The following AP3B2 variants were observed in gnomAD, a reference collection of about 807,000 sequenced individuals.
AP3B2 encodes adaptor related protein complex 3 subunit beta 2, also known as AP-3 complex subunit beta-2.
AP3B2 carries 50 observed loss-of-function variants against 126.9 expected under a neutral mutation model. The ratio of observed to expected loss-of-function variants is 0.39; its 90% CI spans 0.31 to 0.50. The LOEUF is 0.50. Among genes scored for constraint, AP3B2 ranks in the 20% least tolerant of loss-of-function variants. AP3B2 has a pLI of 0.79. For missense variants in AP3B2, 1,177 were observed against 1,426.4 expected (o/e 0.83, Z 2.82); for synonymous variants, 541 against 565.0 (o/e 0.96, Z 0.60).
chr15:82,674,421 G>A (rs2048209773), intron 14 of AP3B2, among the ~76,000 whole-genome samples: 1 of 152,216 alleles, frequency 6.6e-6, no homozygotes, highest in South Asian at 2.1e-4. Flanking sequence ...ACTTGCAGGT[G>A]AAGGGCGCCC....
rs1226910164 is a variant in AP3B2, at chr15:82,700,397, CTTTTT to C, written c.113+9192_113+9196del. On this transcript the variant is annotated intron_variant, in intron 1 of 26. Transcript: ENST00000535359. Reference sequence around the variant, plus strand: ...CCACTGGCCTGCCAGTGGTGGGTGGCTTTTTTTTTTTTTTTTTTCAGATGGAGTTT... The same window carrying C: ...CCACTGGCCTGCCAGTGGTGGGTGGCTTTTTTTTTTTTTCAGATGGAGTTT... Among the ~76,000 whole-genome samples the C allele has an allele frequency of 5.7e-5, 2 of 35,086 alleles. 1 individual carries two copies. Among genetic ancestry groups the C allele is most frequent in the African/African-American group, 2.0e-4 (2 of 9,932 alleles). The allele number at this position is 35,086 out of a possible 152,430, so 23.0% of individuals were successfully genotyped here. A position where few individuals can be genotyped will look rare whatever the true frequency, so the allele number is the denominator to read the frequency against.
intron 1 of AP3B2, among the ~76,000 whole-genome samples, chr15:82,701,104 G>T (rs937169641): frequency 1.3e-5 from 2 of 151,960 alleles, no homozygotes; most frequent in Non-Finnish European, 2.9e-5. Flanking sequence ...CAAGTGACCT[G>T]CCCGCCTCAG....
At chr15:82,691,976 C>G in intron 1 of AP3B2, 2 of 1,441,832 alleles carry the variant, frequency 1.4e-6, no homozygotes, top group South Asian at 2.4e-5. Flanking sequence ...ATCGGCATAA[C>G]AGACATCCCC....
rs113606903 is a variant in AP3B2, at chr15:82,661,365, C to T, written c.3016+460G>A. 1.5e-3 allele frequency among the ~76,000 whole-genome samples: 231 copies of T among 152,316 alleles called. 2 individuals are homozygous for T. The highest frequency in any genetic ancestry group is 1.8e-3 in the Admixed American group (27 of 15,296). ...AACCATGATCTTCCCTCCTCCCTTGCCCAAGCCACTCTTCTTTCTTCTAGG... is the reference window on the plus strand; with the variant it reads ...AACCATGATCTTCCCTCCTCCCTTGTCCAAGCCACTCTTCTTTCTTCTAGG... On this transcript the variant is annotated intron_variant, in intron 25 of 26. Coordinates refer to ENST00000535359, the MANE Select transcript of AP3B2 (RefSeq NM_001278512.2).
In AP3B2 at chr15:82,665,450, C is replaced by T. The variant is rs768933338; in HGVS notation, c.1971+7G>A. 1.2e-5 allele frequency: 19 copies of T among 1,606,500 alleles called. No individual in the cohort carries two copies. Among genetic ancestry groups the T allele is most frequent in the South Asian group, 2.2e-5 (2 of 90,766 alleles). On this transcript the variant is annotated splice_region_variant and intron_variant, in intron 16 of 26. Coordinates refer to ENST00000535359, the MANE Select transcript of AP3B2 (RefSeq NM_001278512.2). This position sits in a 1 kb window ranked among gnomAD's most constrained non-coding sequence, Gnocchi z 4.4. ...ACACACACACTTCAACCCTCCACCC[C>T]GCTGACCTCCACGTTGCGCACAGAT...
At chr15:82,709,506 T>TG (rs1307653290) in intron 1 of AP3B2, 88 bp downstream of exon 1, 4 of 937,024 alleles carry the variant, frequency 4.3e-6, no homozygotes, top group Middle Eastern at 4.3e-4. Flanking sequence ...GGGCCGGCGC[T>TG]GGGGCCGGGC....
intron 14 of AP3B2, among the ~76,000 whole-genome samples, chr15:82,672,229 A>G (rs2048170820): frequency 1.3e-5 from 2 of 152,242 alleles, no homozygotes; most frequent in Non-Finnish European, 2.9e-5. Flanking sequence ...AGACAAATAG[A>G]TAAAGAAAAT....
chr15:82,691,972 A>G (rs1424799984), intron 1 of AP3B2: 5 of 1,438,078 alleles, frequency 3.5e-6, no homozygotes, highest in Non-Finnish European at 4.9e-6. Flanking sequence ...GCACATCGGC[A>G]TAACAGACAT....
At position 82,663,971 on chromosome 15, in the gene AP3B2, G is replaced by C. The variant is rs762331009; in HGVS notation, c.2266C>G (p.Gln756Glu). ...TTCCTCTTACCATCCTCCTCACTCT[G>C]TTCACTGAAGGAGTGGGAAAGGTTG... ...EEKGRGSESEQSEEDGKRKTK... is the reference protein window; with the variant it reads ...EEKGRGSESEESEEDGKRKTK... Residue 756 changes from glutamine to glutamate, a missense_variant, in exon 20 of 27, where the codon CAG becomes GAG. This residue lies in a region of AP3B2 where 587 missense variants were observed against 571.3 expected (regional missense o/e 1.03). Coordinates refer to ENST00000535359, the MANE Select transcript of AP3B2 (RefSeq NM_001278512.2). The C allele has an allele frequency of 6.2e-7, 1 of 1,602,266 alleles. No homozygotes were observed. The highest frequency in any genetic ancestry group is 8.5e-7 in the Non-Finnish European group (1 of 1,179,416).
chr15:82,695,450 G>A (rs1567273508), intron 1 of AP3B2, among the ~76,000 whole-genome samples: 3 of 152,160 alleles, frequency 2.0e-5, no homozygotes, highest in Non-Finnish European at 4.4e-5. Context: ...ATGGGGAGTG[G>A]GGCTGATGGT....
At chr15:82,706,392 C>T (rs2048796058) in intron 1 of AP3B2, among the ~76,000 whole-genome samples, 1 of 152,100 alleles carries the variant, frequency 6.6e-6, no homozygotes, top group Admixed American at 6.5e-5. Flanking sequence ...AAAAGCTTTC[C>T]TCATTACACA....
At chr15:82,688,097 C>T (rs1310119401) in intron 4 of AP3B2, 2 of 223,710 alleles carry the variant, frequency 8.9e-6, no homozygotes, top group Non-Finnish European at 1.8e-5. Flanking sequence ...CAGTGAGAAC[C>T]TGTCTCATAA....
intron 12 of AP3B2, 94 bp downstream of exon 12, chr15:82,677,577 A>AG: frequency 6.9e-7 from 1 of 1,451,912 alleles, no homozygotes; most frequent in Non-Finnish European, 9.2e-7. Context: ...CATTGTGTCT[A>AG]GGCAGACTGG....
intron 14 of AP3B2, among the ~76,000 whole-genome samples, chr15:82,670,792 A>ACC (rs1567260437): frequency 6.6e-6 from 1 of 152,170 alleles, no homozygotes; most frequent in Non-Finnish European, 1.5e-5. Flanking sequence ...TTTGCAAACT[A>ACC]CCCATCTGAC....
chr15:82,671,643 CAGA>C (rs746920596), intron 14 of AP3B2, among the ~76,000 whole-genome samples: 5 of 151,390 alleles, frequency 3.3e-5, no homozygotes, highest in Non-Finnish European at 7.4e-5. Flanking sequence ...GAGGCTGAGG[CAGA>C]AGAAGAATCA....
At chr15:82,677,432 C>T in intron 12 of AP3B2, 49 bp from the exon 13 acceptor site, 1 of 1,549,708 alleles carries the variant, frequency 6.5e-7, no homozygotes, top group Non-Finnish European at 8.8e-7. Context: ...CAGATGGCCA[C>T]ACTCAGGTGG....
rs979112526 is a variant in AP3B2, at chr15:82,681,316, C to G, written c.521+104G>C. On this transcript the variant is annotated intron_variant, in intron 5 of 26. Coordinates refer to ENST00000535359, the MANE Select transcript of AP3B2 (RefSeq NM_001278512.2). The surrounding 1 kb of genome is among the most constrained non-coding windows in gnomAD (Gnocchi z 4.0). ...TGTCAGTCCCCCAAACTACCCTCCTCAAACCCTCTGAGAAGCAGCAGGCAA... is the reference window on the plus strand; with the variant it reads ...TGTCAGTCCCCCAAACTACCCTCCTGAAACCCTCTGAGAAGCAGCAGGCAA... 2 of 1,550,346 alleles carry G rather than the reference C, an allele frequency of 1.3e-6. No individual in the cohort carries two copies. The highest frequency in any genetic ancestry group is 1.4e-5 in the African/African-American group (1 of 73,812).
chr15:82,690,685 G>A (rs1476000798), intron 1 of AP3B2, among the ~76,000 whole-genome samples: 6 of 105,454 alleles, frequency 5.7e-5, no homozygotes, highest in African/African-American at 2.2e-4. Context: ...ATGGAGTCTC[G>A]CTCTGTCGCC....
chr15:82,689,451 T>C lies in AP3B2; in HGVS notation c.116A>G (p.His39Arg). The change falls in exon 2 of 27, where the codon CAT (histidine) becomes CGT (arginine). Residue 39 changes from histidine to arginine, a missense_variant and splice_region_variant. His to Arg is a conservative substitution (Grantham distance 29, BLOSUM62 0). Around this residue, in one of 5 missense-constraint regions of AP3B2, gnomAD observed 130 missense variants for 262.0 expected, o/e 0.50. Transcript: ENST00000535359. ...GGIFSSDYKRHDDLKEMLDTN... is the reference protein window; with the variant it reads ...GGIFSSDYKRRDDLKEMLDTN... ...GTCCAGCATCTCCTTCAGGTCATCA[T>C]GCCTGGTGGGAGGTACAAGAAGTCA... 6.2e-7 allele frequency: 1 copy of C among 1,613,350 alleles called. No individual in the cohort carries two copies. The highest frequency in any genetic ancestry group is 1.1e-5 in the South Asian group (1 of 90,896).
Sources: gnomAD v4.1 joint callset for allele counts (sites outside exome capture counted in the v4.1 genomes callset) on GRCh38, gnomAD v4.1.1 for gene constraint, gnomAD v4.1.1 regional missense constraint, Gnocchi (gnomAD v3.1) non-coding constraint, MANE v1.5 for transcripts, NCBI Gene and HGNC (gene_info 2026-07-23, HGNC 2026-07-21) for gene names.